CPQ: variants seen among roughly 807,000 people sequenced by gnomAD.
CPQ encodes Ser-Met dipeptidase.
Under a neutral mutation model 45.7 loss-of-function variants are expected in CPQ, and 37 were observed. That is an observed-to-expected ratio of 0.81 (90% confidence interval 0.62 to 1.07). The LOEUF (loss-of-function observed/expected upper bound fraction) is 1.07. Ranked by LOEUF, CPQ falls within the 50% of genes least tolerant of loss-of-function variation. The pLI is 0.00. For missense variants in CPQ, 537 were observed against 572.9 expected (o/e 0.94, Z 0.64); for synonymous variants, 186 against 205.8 (o/e 0.90, Z 0.82).
chr8:96,989,093 C>T (rs1298778000), intron 5 of CPQ, among the ~76,000 whole-genome samples: 2 of 152,190 alleles, frequency 1.3e-5, no homozygotes, highest in Non-Finnish European at 2.9e-5. Flanking sequence ...TTCCACTAAT[C>T]TGCCAGGAGG....
At chr8:96,942,761 G>T (rs965060223) in intron 4 of CPQ, among the ~76,000 whole-genome samples, 2 of 152,142 alleles carry the variant, frequency 1.3e-5, no homozygotes, top group African/African-American at 4.8e-5. Context: ...TGATTCACTA[G>T]ATCTGGGGCG....
At chr8:96,665,354 TAAAC>T (rs1808906028) in intron 1 of CPQ, among the ~76,000 whole-genome samples, 1 of 152,180 alleles carries the variant, frequency 6.6e-6, no homozygotes, top group Admixed American at 6.5e-5. Flanking sequence ...ATGAAAGTGA[TAAAC>T]AATGTGTTGG....
intron 5 of CPQ, among the ~76,000 whole-genome samples, chr8:97,022,805 A>G (rs1809711918): frequency 1.3e-5 from 2 of 151,984 alleles, no homozygotes; most frequent in South Asian, 4.2e-4. Flanking sequence ...TACAACCACT[A>G]TGGAAAACAG....
rs1809860431 is a variant in CPQ at position 97,029,506 on chromosome 8, G to C, written c.1053+12G>C. 6.3e-7 allele frequency: 1 copy of C among 1,588,000 alleles called. No individual in the cohort carries two copies. Among genetic ancestry groups the C allele is most frequent in the African/African-American group, 1.3e-5 (1 of 74,458 alleles). On this transcript the variant is annotated intron_variant, in intron 6 of 7. Transcript: ENST00000220763. Reference sequence around the variant, plus strand: ...ATCAGTTACACAAGGTAAAAACCCAGCTGTGGATTGCTAAGCATTTGTACA... The same window carrying C: ...ATCAGTTACACAAGGTAAAAACCCACCTGTGGATTGCTAAGCATTTGTACA...
At chr8:96,975,828 T>C (rs1261574621) in intron 5 of CPQ, among the ~76,000 whole-genome samples, 2 of 152,112 alleles carry the variant, frequency 1.3e-5, no homozygotes, top group Non-Finnish European at 2.9e-5. Context: ...AAAATTGGCA[T>C]AGAAGGGACA....
chr8:96,938,535 A>G (rs1326234528), intron 4 of CPQ, among the ~76,000 whole-genome samples: 1 of 152,154 alleles, frequency 6.6e-6, no homozygotes, highest in East Asian at 1.9e-4. Context: ...AGGGGCACAG[A>G]GAGGAAGTGG....
At chr8:97,047,140 A>G (rs1364628127) in intron 6 of CPQ, among the ~76,000 whole-genome samples, 1 of 152,250 alleles carries the variant, frequency 6.6e-6, no homozygotes, top group African/African-American at 2.4e-5. Flanking sequence ...TTTCGTGGAC[A>G]TCAAGTCATT....
chr8:96,962,735 C>G (rs1336732605), intron 4 of CPQ, among the ~76,000 whole-genome samples: 14 of 152,106 alleles, frequency 9.2e-5, no homozygotes, highest in Admixed American at 9.2e-4. Context: ...TTGAGTGAAA[C>G]CTCCTGCACT....
chr8:96,993,415 T>C (rs545772572), intron 5 of CPQ, among the ~76,000 whole-genome samples: 37 of 152,322 alleles, frequency 2.4e-4, no homozygotes, highest in African/African-American at 8.4e-4. Flanking sequence ...ATGTGGGTCC[T>C]GGTCTTTATA....
At chr8:96,929,287 ACT>A (rs752368544) in intron 4 of CPQ, among the ~76,000 whole-genome samples, 22 of 152,070 alleles carry the variant, frequency 1.4e-4, no homozygotes, top group Non-Finnish European at 2.4e-4. Context: ...CTTATTTAAG[ACT>A]CTCTGAACAG....
intron 7 of CPQ, among the ~76,000 whole-genome samples, chr8:97,128,907 T>C (rs1015258273): frequency 6.6e-6 from 1 of 152,186 alleles, no homozygotes; most frequent in African/African-American, 2.4e-5. Context: ...GTCCTGATTA[T>C]GTGAAAAGAA....
At chr8:96,943,244 A>G (rs978096698) in intron 4 of CPQ, among the ~76,000 whole-genome samples, 2 of 152,204 alleles carry the variant, frequency 1.3e-5, no homozygotes, top group Admixed American at 6.5e-5. Context: ...AAGAATTTCA[A>G]TATCAGCTAA....
At chr8:96,970,002 G>A (rs184888195) in intron 5 of CPQ, among the ~76,000 whole-genome samples, 314 of 152,276 alleles carry the variant, frequency 2.1e-3, no homozygotes, top group Middle Eastern at 6.8e-3. Flanking sequence ...GCATGCCAGG[G>A]CTTTGATGCA....
At chr8:96,703,512 A>G (rs560986795) in intron 1 of CPQ, among the ~76,000 whole-genome samples, 34 of 152,284 alleles carry the variant, frequency 2.2e-4, no homozygotes, top group African/African-American at 7.9e-4. Flanking sequence ...AAATACATGA[A>G]TGGACCTGGA....
chr8:96,719,398 C>T (rs1263346431), intron 1 of CPQ, among the ~76,000 whole-genome samples: 1 of 152,230 alleles, frequency 6.6e-6, no homozygotes, highest in Non-Finnish European at 1.5e-5. Context: ...CCGCCAAGCC[C>T]ACGCCCACCC....
chr8:96,713,927 G>C (rs1330524548), intron 1 of CPQ, among the ~76,000 whole-genome samples: 1 of 152,178 alleles, frequency 6.6e-6, no homozygotes, highest in African/African-American at 2.4e-5. Flanking sequence ...CAAAATTCTT[G>C]GTTGATAGTT....
At chr8:96,808,373 G>A (rs897823295) in intron 2 of CPQ, among the ~76,000 whole-genome samples, 1 of 152,134 alleles carries the variant, frequency 6.6e-6, no homozygotes, top group Non-Finnish European at 1.5e-5. Flanking sequence ...GGATCACAGT[G>A]AGCCTGGCTA....
intron 1 of CPQ, among the ~76,000 whole-genome samples, chr8:96,738,504 C>T (rs575917339): frequency 6.6e-6 from 1 of 151,368 alleles, no homozygotes; most frequent in South Asian, 2.1e-4. Flanking sequence ...TACATGTGCA[C>T]AATGTGCAGG....
chr8:97,101,942 C>CT, intron 7 of CPQ, among the ~76,000 whole-genome samples: 2 of 141,372 alleles, frequency 1.4e-5, no homozygotes, highest in Non-Finnish European at 3.1e-5. Flanking sequence ...CTCTCTCTCT[C>CT]CCTCCCTCCC....
Sources: allele counts gnomAD v4.1 joint callset (sites outside exome capture counted in the v4.1 genomes callset), GRCh38; gene constraint gnomAD v4.1.1; transcripts MANE v1.5; gene names NCBI Gene and HGNC (gene_info 2026-07-23, HGNC 2026-07-21).